The following PSD3 variants were observed in gnomAD, a reference collection of about 807,000 sequenced individuals.
PSD3 encodes the protein pleckstrin and Sec7 domain containing 3.
A neutral mutation model predicts 105.5 loss-of-function variants in PSD3; 49 were observed. The observed-to-expected ratio is 0.46, with a 90% CI of 0.37 to 0.59. PSD3 has a LOEUF of 0.59. Ranked by LOEUF, PSD3 falls within the 20% of genes least tolerant of loss-of-function variation. The probability of loss-of-function intolerance (pLI) is 0.00; values close to 1 mark genes in which losing one functional copy is unlikely to be tolerated. For missense variants in PSD3, 1,561 were observed against 1,263.8 expected, an observed-to-expected ratio of 1.24 and a Z score of -3.57; for synonymous variants, 557 against 457.8, an observed-to-expected ratio of 1.22 and a Z score of -2.77.
chr8:18,901,988 G>C (rs1431292781), intron 2 of PSD3, among the ~76,000 whole-genome samples: 1 of 151,448 alleles, frequency 6.6e-6, no homozygotes, highest in Non-Finnish European at 1.5e-5. Flanking sequence ...GTGTCAATTT[G>C]ACATAAATGT....
At chr8:18,613,934 G>T (rs1326238337) in intron 11 of PSD3, among the ~76,000 whole-genome samples, 25 of 152,182 alleles carry the variant, frequency 1.6e-4, no homozygotes, top group Non-Finnish European at 4.4e-5. Context: ...CTCCACCCAT[G>T]ATAATTCCTT....
intron 4 of PSD3, among the ~76,000 whole-genome samples, chr8:18,838,836 A>T (rs1814373277): frequency 6.8e-6 from 1 of 147,562 alleles, no homozygotes; most frequent in South Asian, 2.2e-4. Context: ...TAATAATAAT[A>T]ATAATAATAA....
intron 9 of PSD3, among the ~76,000 whole-genome samples, chr8:18,742,353 T>TAC (rs1435683089): frequency 1.3e-5 from 2 of 152,160 alleles, no homozygotes. Context: ...GTAACCTGTA[T>TAC]ACACTTAAAT....
At chr8:18,536,041 G>A (rs1257301578) in intron 15 of PSD3, 83 bp from the exon 16 acceptor site, 3 of 1,331,370 alleles carry the variant, frequency 2.3e-6, no homozygotes, top group Non-Finnish European at 3.2e-6. Context: ...TTACCCACCT[G>A]GAGAGTGTGA....
intron 14 of PSD3, among the ~76,000 whole-genome samples, chr8:18,568,005 G>C (rs1428645606): frequency 1.3e-5 from 2 of 152,154 alleles, no homozygotes; most frequent in Non-Finnish European, 2.9e-5. Context: ...GTTAAAAAGA[G>C]CCTGGCACTT....
intron 8 of PSD3, among the ~76,000 whole-genome samples, chr8:18,771,319 T>G (rs1585913238): frequency 6.6e-6 from 1 of 152,258 alleles, no homozygotes; most frequent in African/African-American, 2.4e-5. Context: ...AGAATTTCCC[T>G]GCCTCTTGTC....
intron 9 of PSD3, among the ~76,000 whole-genome samples, chr8:18,715,664 T>C (rs569301335): frequency 1.4e-4 from 22 of 152,346 alleles, no homozygotes; most frequent in African/African-American, 5.3e-4. Context: ...TCTACCTCAG[T>C]TGTTATAATC....
chr8:18,814,844 T>C (rs1475145248), intron 4 of PSD3, among the ~76,000 whole-genome samples: 1 of 152,210 alleles, frequency 6.6e-6, no homozygotes, highest in Non-Finnish European at 1.5e-5. Flanking sequence ...TGTCTGAATT[T>C]CTGTCAGGTT....
chr8:18,790,548 C>T (rs1809617755), intron 8 of PSD3, among the ~76,000 whole-genome samples: 1 of 151,994 alleles, frequency 6.6e-6, no homozygotes, highest in Admixed American at 6.6e-5. Flanking sequence ...GTGATCTGCC[C>T]ACCTTGGCCT....
At chr8:19,068,068 T>C (rs1332923266) in intron 1 of PSD3, among the ~76,000 whole-genome samples, 1 of 152,128 alleles carries the variant, frequency 6.6e-6, no homozygotes, top group South Asian at 2.1e-4. Context: ...CTCAGGTCTG[T>C]GTGCTGGGAA....
At chr8:18,791,836 G>C (rs1282735724) in intron 8 of PSD3, among the ~76,000 whole-genome samples, 3 of 152,084 alleles carry the variant, frequency 2.0e-5, no homozygotes, top group Admixed American at 2.0e-4. Context: ...ATCTGACAAT[G>C]GTCTAATACC....
At chr8:18,593,577 G>C (rs1161718991) in intron 12 of PSD3, among the ~76,000 whole-genome samples, 1 of 152,016 alleles carries the variant, frequency 6.6e-6, no homozygotes, top group Non-Finnish European at 1.5e-5. Flanking sequence ...GATTCCTCAG[G>C]GATCTAGAAC....
chr8:19,012,734 T>G (rs575709323), intron 1 of PSD3, among the ~76,000 whole-genome samples: 1 of 152,304 alleles, frequency 6.6e-6, no homozygotes, highest in Non-Finnish European at 1.5e-5. Context: ...ATTGAGGCAT[T>G]TGTTGCCAGA....
chr8:18,537,721 G>C (rs1372361591), intron 15 of PSD3, among the ~76,000 whole-genome samples: 2 of 152,030 alleles, frequency 1.3e-5, no homozygotes, highest in African/African-American at 4.8e-5. Flanking sequence ...CTGTCATCCA[G>C]GCTGGAGTGC....
intron 2 of PSD3, among the ~76,000 whole-genome samples, chr8:18,932,490 A>G (rs1189971024): frequency 6.6e-6 from 1 of 152,220 alleles, no homozygotes; most frequent in Non-Finnish European, 1.5e-5. Context: ...ACCTCATTAC[A>G]TCAAATAACT....
At chr8:19,039,834 G>C (rs190147197) in intron 1 of PSD3, among the ~76,000 whole-genome samples, 1 of 152,176 alleles carries the variant, frequency 6.6e-6, no homozygotes, top group Non-Finnish European at 1.5e-5. Flanking sequence ...AAGGAGAAAA[G>C]TCCCCTCCAT....
At chr8:19,035,361 A>T (rs1195168162) in intron 1 of PSD3, among the ~76,000 whole-genome samples, 1 of 152,208 alleles carries the variant, frequency 6.6e-6, no homozygotes, top group East Asian at 1.9e-4. Context: ...TTGGTAAAGC[A>T]CTATGAACAT....
chr8:18,910,109 T>C (rs909396441), intron 2 of PSD3, among the ~76,000 whole-genome samples: 19 of 152,194 alleles, frequency 1.2e-4, no homozygotes, highest in Non-Finnish European at 5.9e-5. Flanking sequence ...AAGGAACTTG[T>C]ATTGAAAAGT....
At chr8:18,669,606 C>T (rs986379312) in intron 9 of PSD3, among the ~76,000 whole-genome samples, 5 of 152,174 alleles carry the variant, frequency 3.3e-5, no homozygotes, top group East Asian at 1.9e-4. Flanking sequence ...GAAGGATTCG[C>T]GTCCACATGG....
Sources: gnomAD v4.1 joint callset for allele counts (sites outside exome capture counted in the v4.1 genomes callset) on GRCh38, gnomAD v4.1.1 for gene constraint, MANE v1.5 for transcripts, NCBI Gene and HGNC (gene_info 2026-07-23, HGNC 2026-07-21) for gene names.